Variants in PON2 observed in about 807,000 individuals in gnomAD.
PON2 encodes serum paraoxonase/arylesterase 2.
In PON2, 27 loss-of-function variants were observed where a neutral mutation model predicts 36.6. That is an observed-to-expected ratio of 0.74 (90% CI 0.54 to 1.02). The LOEUF (loss-of-function observed/expected upper bound fraction) is 1.02. Ranked by LOEUF, PON2 falls within the 50% of genes least tolerant of loss-of-function variation. PON2 has a pLI of 0.00. For missense variants in PON2, 363 were observed against 421.1 expected (o/e 0.86, Z 1.21); for synonymous variants, 149 against 156.3 (o/e 0.95, Z 0.35).
At chr7:95,416,608 A>G (rs776868553) in intron 2 of PON2, 1 of 410,898 alleles carries the variant, frequency 2.4e-6, no homozygotes, top group African/African-American at 2.0e-5. Context: ...TGTCCGTATA[A>G]AAGTAATTGA....
At chr7:95,423,504 C>T (rs928830957) in intron 2 of PON2, among the ~76,000 whole-genome samples, 3 of 151,700 alleles carry the variant, frequency 2.0e-5, no homozygotes, top group African/African-American at 4.8e-5. Flanking sequence ...CCAGAGAGAC[C>T]CTCAGTGCTG....
chr7:95,424,864 C>A (rs533208999), intron 1 of PON2, among the ~76,000 whole-genome samples: 1 of 151,842 alleles, frequency 6.6e-6, no homozygotes, highest in South Asian at 2.1e-4. Context: ...AATGCAAGTT[C>A]CTATGCAAAT....
chr7:95,410,218 AGAC>A, intron 5 of PON2, 117 bp from the exon 6 acceptor site: 1 of 853,824 alleles, frequency 1.2e-6, no homozygotes, highest in Non-Finnish European at 1.9e-6. Context: ...TAAGAGGAAA[AGAC>A]GAGCTAAAAA....
chr7:95,414,855 T>C (rs1374625578), intron 3 of PON2, among the ~76,000 whole-genome samples: 4 of 152,218 alleles, frequency 2.6e-5, no homozygotes, highest in African/African-American at 9.7e-5. Context: ...TAAAACCTTA[T>C]TTTAAAAACT....
intron 2 of PON2, among the ~76,000 whole-genome samples, chr7:95,422,433 T>C (rs1175847253): frequency 6.6e-6 from 1 of 152,236 alleles, no homozygotes; most frequent in Non-Finnish European, 1.5e-5. Flanking sequence ...TATCTTTCTA[T>C]ATTGTTTGCA....
At position 95,431,733 on chromosome 7, in the gene PON2, T is replaced by C. The variant is rs186020853; in HGVS notation, c.74+3145A>G. Among the ~76,000 whole-genome samples the C allele has an allele frequency of 3.8e-3, 572 of 152,170 alleles. 5 individuals carry two copies. The South Asian group carries it at 0.039, about 10-fold the overall frequency. On this transcript the variant is annotated intron_variant, in intron 1 of 8. Transcript: ENST00000222572. ...CTGTGTCCGGCCAAACATGCTCCTT[T>C]TTAAAACAGACTCAAAGGGTCACCA...
At chr7:95,424,325 A>G in intron 2 of PON2, 190 bp downstream of exon 2, 2 of 600,170 alleles carry the variant, frequency 3.3e-6, no homozygotes, top group Non-Finnish European at 5.9e-6. Flanking sequence ...AATAATTTAC[A>G]GTGAGGGTAG....
chr7:95,425,377 C>T (rs1789293085), intron 1 of PON2, among the ~76,000 whole-genome samples: 1 of 152,102 alleles, frequency 6.6e-6, no homozygotes, highest in South Asian at 2.1e-4. Flanking sequence ...GATGTCTTCC[C>T]CCTCCCTCTC....
At chr7:95,410,149 C>A in intron 5 of PON2, 48 bp from the exon 6 acceptor site, 1 of 1,453,616 alleles carries the variant, frequency 6.9e-7, no homozygotes, top group South Asian at 1.2e-5. Flanking sequence ...GCCTGTTGGT[C>A]TCCATATTAA....
At chr7:95,407,983 T>A (rs1809749115) in intron 6 of PON2, among the ~76,000 whole-genome samples, 1 of 152,154 alleles carries the variant, frequency 6.6e-6, no homozygotes, top group South Asian at 2.1e-4. Context: ...AATGAGTTCT[T>A]TGTCTAAAGC....
intron 1 of PON2, among the ~76,000 whole-genome samples, chr7:95,430,814 T>A: frequency 1.4e-5 from 2 of 145,522 alleles, no homozygotes; most frequent in South Asian, 2.2e-4. Context: ...ATTAAAAAAA[T>A]AAATAAAGAA....
intron 2 of PON2, among the ~76,000 whole-genome samples, chr7:95,416,698 A>G (rs1224986659): frequency 6.6e-6 from 1 of 152,214 alleles, no homozygotes; most frequent in East Asian, 1.9e-4. Flanking sequence ...TTCTTTGCTC[A>G]TTCAATCTGA....
intron 2 of PON2, among the ~76,000 whole-genome samples, chr7:95,420,355 T>G (rs2116486191): frequency 6.6e-6 from 1 of 152,340 alleles, no homozygotes; most frequent in Middle Eastern, 3.4e-3. Flanking sequence ...ATCAGATTTT[T>G]TAACTTTTAA....
intron 2 of PON2, chr7:95,418,289 A>G (rs1789118581): frequency 6.6e-6 from 1 of 152,222 alleles, no homozygotes; most frequent in African/African-American, 2.4e-5. Context: ...TGCATACAAT[A>G]TCTCATATGA....
intron 3 of PON2, among the ~76,000 whole-genome samples, chr7:95,414,339 C>T (rs1789012328): frequency 6.6e-6 from 1 of 151,910 alleles, no homozygotes; most frequent in Admixed American, 6.6e-5. Flanking sequence ...AGAGACAATG[C>T]CAAGTAAATG....
intron 2 of PON2, among the ~76,000 whole-genome samples, chr7:95,421,083 C>T (rs1789181980): frequency 6.6e-6 from 1 of 152,120 alleles, no homozygotes; most frequent in Non-Finnish European, 1.5e-5. Flanking sequence ...TTTTGAAGTG[C>T]CTCAGAGGCA....
chr7:95,405,758 T>C (rs926153143), intron 8 of PON2, among the ~76,000 whole-genome samples: 8 of 152,244 alleles, frequency 5.3e-5, no homozygotes, highest in Non-Finnish European at 5.9e-5. Context: ...TTCATACTAA[T>C]GTGCCTACTT....
rs758369313 is a variant in PON2, at chr7:95,424,511, A to G, written c.145+4T>C. ...GTGCCCAACAAGCATTTTCATATAC[A>G]TACCAATTCCTTTAATCAGGTGGCA... On this transcript the variant is annotated splice_donor_region_variant and intron_variant, in intron 2 of 8. Transcript: ENST00000222572. 4 of 1,609,946 alleles carry G rather than the reference A, an allele frequency of 2.5e-6. No homozygotes were observed. In the Admixed American group the frequency reaches 6.7e-5, roughly 27 times the overall value.
At position 95,417,157 on chromosome 7, in the gene PON2, T is replaced by C. The variant is rs1055379199; in HGVS notation, c.146-860A>G. 3.3e-5 allele frequency among the ~76,000 whole-genome samples: 5 copies of C among 152,200 alleles called. 1 individual carries two copies. The highest frequency in any genetic ancestry group is 3.3e-4 in the Admixed American group (5 of 15,282). On this transcript the variant is annotated intron_variant, in intron 2 of 8. Coordinates refer to ENST00000222572, the MANE Select transcript of PON2 (RefSeq NM_000305.3). ...AATCTTCCTCTTTAAGACTTCTCCA[T>C]AGGATTTCTTCAAGGTTATTTCTAG...
Sources: gnomAD v4.1 joint callset for allele counts (sites outside exome capture counted in the v4.1 genomes callset) on GRCh38, gnomAD v4.1.1 for gene constraint, MANE v1.5 for transcripts, NCBI Gene and HGNC (gene_info 2026-07-23, HGNC 2026-07-21) for gene names.